Variants in GABRA5 observed in about 807,000 individuals in gnomAD.
GABRA5 encodes gamma-aminobutyric acid type A receptor subunit alpha5, also known as gamma-aminobutyric acid receptor subunit alpha-5.
In GABRA5, 18 loss-of-function variants were observed where a neutral mutation model predicts 47.3. That is an observed-to-expected ratio of 0.38 (90% CI 0.26 to 0.56). GABRA5 has a LOEUF of 0.56. GABRA5 is among the 20% of genes least tolerant of loss of function. The pLI is 0.71. For missense variants in GABRA5, 365 were observed against 599.3 expected (o/e 0.61, Z 4.08); for synonymous variants, 237 against 229.3 (o/e 1.03, Z -0.30).
intron 6 of GABRA5, among the ~76,000 whole-genome samples, chr15:26,911,152 T>C: frequency 8.8e-6 from 1 of 114,060 alleles, no homozygotes; most frequent in East Asian, 3.2e-4. Flanking sequence ...ATAGATGAAG[T>C]ATACTTTCCT....
intron 6 of GABRA5, among the ~76,000 whole-genome samples, chr15:26,910,070 GT>G (rs5811464): frequency 5.7e-4 from 86 of 151,104 alleles, no homozygotes; most frequent in African/African-American, 9.5e-4. Context: ...TGAAATAAAT[GT>G]TTTTTTTTCT....
chr15:26,894,794 T>G (rs995871055), intron 6 of GABRA5, among the ~76,000 whole-genome samples: 2 of 152,170 alleles, frequency 1.3e-5, no homozygotes, highest in African/African-American at 4.8e-5. Flanking sequence ...CGCGGATCCA[T>G]AGGCACAGTC....
At chr15:26,900,750 G>T (rs1893307825) in intron 6 of GABRA5, among the ~76,000 whole-genome samples, 1 of 151,846 alleles carries the variant, frequency 6.6e-6, no homozygotes, top group African/African-American at 2.4e-5. Flanking sequence ...CACTCTTGGT[G>T]GCGTACATTC....
chr15:26,933,056 C>T (rs1375511002), intron 7 of GABRA5, among the ~76,000 whole-genome samples: 1 of 151,180 alleles, frequency 6.6e-6, no homozygotes, highest in Non-Finnish European at 1.5e-5. Flanking sequence ...ACATGTTTGC[C>T]TATGTAACAA....
chr15:26,934,011 G>A (rs1894170872), intron 7 of GABRA5, among the ~76,000 whole-genome samples: 1 of 152,086 alleles, frequency 6.6e-6, no homozygotes, highest in African/African-American at 2.4e-5. Context: ...TCAAAGAGAG[G>A]GGAGGCTGAG....
intron 6 of GABRA5, among the ~76,000 whole-genome samples, chr15:26,901,602 G>T (rs1234676116): frequency 6.6e-6 from 1 of 152,018 alleles, no homozygotes; most frequent in East Asian, 1.9e-4. Context: ...CCTACTGTGT[G>T]ACTTGTCTTT....
chr15:26,943,708 G>A (rs1459424245), intron 10 of GABRA5, among the ~76,000 whole-genome samples: 2 of 152,186 alleles, frequency 1.3e-5, no homozygotes, highest in Admixed American at 6.5e-5. Context: ...TCTGGTTTTA[G>A]TTGTGGAATC....
chr15:26,881,095 G>A (rs1892719284), intron 4 of GABRA5, 128 bp downstream of exon 4: 3 of 1,007,824 alleles, frequency 3.0e-6, no homozygotes, highest in Non-Finnish European at 4.2e-6. Context: ...TTGGTATGAT[G>A]GCTGTTCCAC....
At chr15:26,905,301 C>T (rs1893419395) in intron 6 of GABRA5, among the ~76,000 whole-genome samples, 1 of 151,192 alleles carries the variant, frequency 6.6e-6, no homozygotes. Flanking sequence ...TCTTTCAGCA[C>T]ATTTAGTATT....
rs142645654 is a variant in GABRA5, at chr15:26,876,143, G to C, written c.87-4703G>C. ...CCATCACCTGCCTATGATCGAGCTG[G>C]AGAGGGCAGTAGGGAAGAGGTTTGG... is the stretch of plus-strand genomic sequence containing the variant. On this transcript the variant is annotated intron_variant, in intron 3 of 10. Transcript: ENST00000335625. 1.4e-3 allele frequency among the ~76,000 whole-genome samples: 206 copies of C among 152,318 alleles called. 2 individuals are homozygous for C. The highest frequency in any genetic ancestry group is 0.013 in the East Asian group (66 of 5,172).
At chr15:26,869,891 T>C (rs1892421364) in intron 3 of GABRA5, among the ~76,000 whole-genome samples, 1 of 152,226 alleles carries the variant, frequency 6.6e-6, no homozygotes. Context: ...CCCCTGAGGT[T>C]CTGGCACTAT....
intron 6 of GABRA5, among the ~76,000 whole-genome samples, chr15:26,909,105 G>C (rs1893516517): frequency 6.6e-6 from 1 of 152,198 alleles, no homozygotes; most frequent in Non-Finnish European, 1.5e-5. Context: ...AAATGCAGCT[G>C]TGGGCAGGAT....
chr15:26,876,759 A>C (rs992256168), intron 3 of GABRA5, among the ~76,000 whole-genome samples: 2 of 152,226 alleles, frequency 1.3e-5, no homozygotes, highest in Non-Finnish European at 1.5e-5. Context: ...GGGTGAATGA[A>C]AGGCTCTTTT....
chr15:26,893,276 T>C (rs1303631627), intron 6 of GABRA5, among the ~76,000 whole-genome samples: 1 of 47,670 alleles, frequency 2.1e-5, no homozygotes, highest in Non-Finnish European at 4.8e-5. Context: ...ATGGTGTGTG[T>C]GTATGGCATA....
chr15:26,918,915 G>T (rs772592651), intron 7 of GABRA5, among the ~76,000 whole-genome samples: 3 of 152,060 alleles, frequency 2.0e-5, no homozygotes, highest in Non-Finnish European at 1.5e-5. Context: ...GAGATGAGTG[G>T]ATTGCTTGAG....
At chr15:26,911,371 GCACACACACA>G (rs111798012) in intron 6 of GABRA5, among the ~76,000 whole-genome samples, 4 of 118,406 alleles carry the variant, frequency 3.4e-5, no homozygotes, top group East Asian at 2.7e-4. Flanking sequence ...CTTGCTGCAT[GCACACACACA>G]CACACACACA....
rs571484318 is a variant in GABRA5, at chr15:26,892,937, C to T, written c.497+9380C>T. ...TGTGTGCGTGATGTGTGTATGGATG[C>T]GTGTGTGTAGTGTGTGTATGGTGTG... is the stretch of plus-strand genomic sequence containing the variant. On this transcript the variant is annotated intron_variant, in intron 6 of 10. Transcript: ENST00000335625. 4.7e-5 allele frequency among the ~76,000 whole-genome samples: 7 copies of T among 148,086 alleles called. No homozygotes were observed. In the South Asian group the frequency reaches 1.5e-3, roughly 32 times the overall value.
In GABRA5 at chr15:26,939,629, G is replaced by C. The variant is rs72712078; in HGVS notation, c.725-296G>C. On this transcript the variant is annotated intron_variant, in intron 8 of 10. Coordinates refer to ENST00000335625, the MANE Select transcript of GABRA5 (RefSeq NM_000810.4). ...AATTGCAGAAGCAGGCGAGGGAGTG[G>C]GGGGAGAGAGGCACAGATTGTGACT... The C allele has an allele frequency of 4.7e-4, 283 of 599,904 alleles. 3 individuals are homozygous for C. In the East Asian group the frequency reaches 7.1e-3, roughly 15 times the overall value. 37.2% of individuals were successfully genotyped at this position (599,904 alleles called of 1,614,324 possible). A position where few individuals can be genotyped will look rare whatever the true frequency, so the allele number is the denominator to read the frequency against.
intron 7 of GABRA5, among the ~76,000 whole-genome samples, chr15:26,923,937 T>C (rs974327696): frequency 1.3e-5 from 2 of 152,140 alleles, no homozygotes; most frequent in Non-Finnish European, 2.9e-5. Context: ...GCTTCTGTTC[T>C]GTGTTGAGAC....
Sources: gnomAD v4.1 joint callset for allele counts (sites outside exome capture counted in the v4.1 genomes callset) on GRCh38, gnomAD v4.1.1 for gene constraint, MANE v1.5 for transcripts, NCBI Gene and HGNC (gene_info 2026-07-23, HGNC 2026-07-21) for gene names.